CCSER1: variants seen among roughly 807,000 people sequenced by gnomAD.
CCSER1 encodes coiled-coil serine rich protein 1.
In CCSER1, 41 loss-of-function variants were observed where a neutral mutation model predicts 82.0. The observed-to-expected ratio is 0.50, with a 90% CI of 0.39 to 0.65. CCSER1 has a LOEUF of 0.65. Ranked by LOEUF, CCSER1 falls within the 30% of genes least tolerant of loss-of-function variation. The probability of loss-of-function intolerance (pLI) is 0.00; values close to 1 mark genes in which losing one functional copy is unlikely to be tolerated. For missense variants in CCSER1, 1,119 were observed against 1,064.2 expected, an observed-to-expected ratio of 1.05 and a Z score of -0.72; for synonymous variants, 414 against 383.9, an observed-to-expected ratio of 1.08 and a Z score of -0.92.
intron 5 of CCSER1, among the ~76,000 whole-genome samples, chr4:90,564,150 TA>T (rs1345060148): frequency 3.3e-5 from 5 of 152,346 alleles, no homozygotes; most frequent in African/African-American, 4.8e-5. Context: ...ATTAATTATT[TA>T]TACTCATTTA....
chr4:91,463,081 T>A (rs1475972917), intron 10 of CCSER1, among the ~76,000 whole-genome samples: 2 of 152,094 alleles, frequency 1.3e-5, no homozygotes. Context: ...CCTGACCCCC[T>A]GAGTAGCCTA....
intron 9 of CCSER1, among the ~76,000 whole-genome samples, chr4:91,044,400 C>T (rs771716429): frequency 7.2e-5 from 11 of 152,240 alleles, no homozygotes; most frequent in Admixed American, 2.0e-4. Context: ...GGCTTTGCAG[C>T]GCACAAAATG....
At chr4:90,973,230 C>T (rs1735285644) in intron 9 of CCSER1, among the ~76,000 whole-genome samples, 1 of 151,520 alleles carries the variant, frequency 6.6e-6, no homozygotes. Context: ...AAATAACAGC[C>T]TAAGGAATGG....
At chr4:90,986,135 T>G (rs185450671) in intron 9 of CCSER1, among the ~76,000 whole-genome samples, 23 of 151,858 alleles carry the variant, frequency 1.5e-4, no homozygotes, top group Non-Finnish European at 2.8e-4. Context: ...TTCGGCATGT[T>G]AAGTATATCT....
intron 10 of CCSER1, among the ~76,000 whole-genome samples, chr4:91,209,079 T>C (rs565129172): frequency 5.3e-5 from 8 of 152,050 alleles, no homozygotes; most frequent in African/African-American, 1.7e-4. Flanking sequence ...CAAAACCTTG[T>C]TGAAGTTGTT....
chr4:91,517,778 G>A (rs957044126), intron 10 of CCSER1, among the ~76,000 whole-genome samples: 6 of 134,108 alleles, frequency 4.5e-5, no homozygotes, highest in African/African-American at 1.6e-4. Context: ...GTGTGTGTGT[G>A]TGTGTGTTTA....
chr4:90,735,036 G>C (rs570296963), intron 7 of CCSER1, among the ~76,000 whole-genome samples: 1 of 152,228 alleles, frequency 6.6e-6, no homozygotes, highest in South Asian at 2.1e-4. Context: ...TCATGAAAGA[G>C]TGTGGAATTT....
chr4:91,524,525 G>C (rs565428527), intron 10 of CCSER1, among the ~76,000 whole-genome samples: 5 of 152,202 alleles, frequency 3.3e-5, no homozygotes, highest in African/African-American at 1.2e-4. Flanking sequence ...TGGTTTTTGT[G>C]AGTAAAAACC....
chr4:91,415,490 G>T (rs528462698), intron 10 of CCSER1, among the ~76,000 whole-genome samples: 44 of 152,158 alleles, frequency 2.9e-4, no homozygotes, highest in African/African-American at 1.0e-3. Flanking sequence ...GTCTTGTGCT[G>T]GTTTTCAAGG....
intron 6 of CCSER1, among the ~76,000 whole-genome samples, chr4:90,654,248 CTT>C (rs941902469): frequency 6.6e-6 from 1 of 151,978 alleles, no homozygotes; most frequent in African/African-American, 2.4e-5. Context: ...TTTAACAACA[CTT>C]AATTATTTTT....
At chr4:90,776,061 G>A (rs1387336181) in intron 7 of CCSER1, among the ~76,000 whole-genome samples, 2 of 152,090 alleles carry the variant, frequency 1.3e-5, no homozygotes, top group African/African-American at 2.4e-5. Flanking sequence ...GGTTAGGCTA[G>A]AGCAGTGTAT....
At chr4:91,564,830 C>G (rs1440698557) in intron 10 of CCSER1, among the ~76,000 whole-genome samples, 2 of 152,004 alleles carry the variant, frequency 1.3e-5, no homozygotes, top group East Asian at 3.9e-4. Context: ...ATTCTGTTGT[C>G]TGTTTATGCT....
chr4:90,351,910 T>G (rs1743512997), intron 3 of CCSER1, among the ~76,000 whole-genome samples: 1 of 152,226 alleles, frequency 6.6e-6, no homozygotes, highest in Admixed American at 6.5e-5. Flanking sequence ...CCATTTATAC[T>G]TTTTTTGTGT....
intron 5 of CCSER1, among the ~76,000 whole-genome samples, chr4:90,534,476 TG>T (rs1384127396): frequency 6.6e-6 from 1 of 151,446 alleles, no homozygotes; most frequent in African/African-American, 2.4e-5. Flanking sequence ...TGTGTGTGTG[TG>T]TGTGTGTGTG....
chr4:90,525,552 T>G (rs1380065204), intron 5 of CCSER1, among the ~76,000 whole-genome samples: 1 of 152,178 alleles, frequency 6.6e-6, no homozygotes, highest in African/African-American at 2.4e-5. Context: ...GCTCAAATAA[T>G]AATTTGATTA....
chr4:90,178,491 G>A (rs930259888), intron 1 of CCSER1, among the ~76,000 whole-genome samples: 5 of 151,876 alleles, frequency 3.3e-5, no homozygotes, highest in Non-Finnish European at 7.4e-5. Flanking sequence ...TTGAAGTTGT[G>A]AAGGCTTTGC....
chr4:90,591,690 A>C (rs12640453), intron 5 of CCSER1, among the ~76,000 whole-genome samples: 1 of 151,986 alleles, frequency 6.6e-6, no homozygotes, highest in Non-Finnish European at 1.5e-5. Flanking sequence ...CTGGGTATAC[A>C]CCCAAAGGGT....
At chr4:90,313,624 G>C (rs1735684207) in intron 3 of CCSER1, among the ~76,000 whole-genome samples, 2 of 152,116 alleles carry the variant, frequency 1.3e-5, no homozygotes, top group South Asian at 4.1e-4. Context: ...TATGAGGGTG[G>C]AGGTGGGGTG....
chr4:90,501,415 T>C (rs1163207545), intron 5 of CCSER1, among the ~76,000 whole-genome samples: 1 of 152,138 alleles, frequency 6.6e-6, no homozygotes, highest in Non-Finnish European at 1.5e-5. Flanking sequence ...TTTTGGAGGA[T>C]TATGTTTTAG....
Sources: gnomAD v4.1 joint callset for allele counts (sites outside exome capture counted in the v4.1 genomes callset) on GRCh38, gnomAD v4.1.1 for gene constraint, MANE v1.5 for transcripts, NCBI Gene and HGNC (gene_info 2026-07-23, HGNC 2026-07-21) for gene names.